Variants in TSGA10 observed in about 807,000 individuals in gnomAD.
The protein encoded by TSGA10 is testis specific 10, also known as testis-specific gene 10 protein.
A neutral mutation model predicts 96.6 loss-of-function variants in TSGA10; 43 were observed. The ratio of observed to expected loss-of-function variants is 0.44; its 90% CI spans 0.35 to 0.57. The LOEUF is 0.57. Among genes scored for constraint, TSGA10 ranks in the 20% least tolerant of loss-of-function variants. The pLI is 0.01. For missense variants in TSGA10, 703 were observed against 834.4 expected (o/e 0.84, Z 1.94); for synonymous variants, 229 against 269.9 (o/e 0.85, Z 1.48).
intron 10 of TSGA10, among the ~76,000 whole-genome samples, chr2:99,096,064 A>C (rs2089998859): frequency 6.6e-6 from 1 of 152,190 alleles, no homozygotes; most frequent in African/African-American, 2.4e-5. Flanking sequence ...GAGAAAAATA[A>C]TTTTTCCATA....
intron 20 of TSGA10, among the ~76,000 whole-genome samples, chr2:99,012,583 G>A (rs1014667895): frequency 3.9e-5 from 6 of 152,076 alleles, no homozygotes; most frequent in African/African-American, 1.4e-4. Context: ...AAAAGAAAAA[G>A]AGGGACATTA....
chr2:99,147,333 C>G, intron 1 of TSGA10: 1 of 863,232 alleles, frequency 1.2e-6, no homozygotes, highest in East Asian at 2.5e-5. Context: ...GTAAAGAAAG[C>G]CACTTTGTTC....
intron 13 of TSGA10, among the ~76,000 whole-genome samples, chr2:99,072,801 C>T (rs1204452299): frequency 2.6e-5 from 4 of 152,168 alleles, no homozygotes; most frequent in African/African-American, 9.7e-5. Flanking sequence ...TGGTTCTTTG[C>T]TATTCTTTCT....
At chr2:99,132,025 A>G (rs1012352598) in intron 1 of TSGA10, among the ~76,000 whole-genome samples, 1 of 152,104 alleles carries the variant, frequency 6.6e-6, no homozygotes, top group Non-Finnish European at 1.5e-5. Flanking sequence ...TTGGTTTGCC[A>G]GTATTTTATT....
chr2:99,018,336 G>C lies in TSGA10; in HGVS notation c.1936C>G (p.Gln646Glu). ...GAATAATTTTGGCGGCGAAGTTCTT[G>C]TACGGCCCTCTCCCTAAAGCAAAAT... is the stretch of plus-strand genomic sequence containing the variant. The part of the protein sequence containing the change: ...TERFERERAV[Q>E]ELRRQNYSSN... The change falls in exon 20 of 21, where the codon CAA becomes GAA. Residue 646 changes from glutamine (Q) to glutamate (E), a missense_variant. Physicochemically the swap from Gln to Glu is conservative, Grantham distance 29. Coordinates refer to ENST00000393483, the MANE Select transcript of TSGA10 (RefSeq NM_025244.4). The C allele has an allele frequency of 1.2e-6, 2 of 1,614,080 alleles. No individual in the cohort carries two copies. Among genetic ancestry groups the C allele is most frequent in the Non-Finnish European group, 1.7e-6 (2 of 1,180,004 alleles).
At chr2:99,130,598 CT>C (rs1230032487) in intron 1 of TSGA10, among the ~76,000 whole-genome samples, 1 of 152,064 alleles carries the variant, frequency 6.6e-6, no homozygotes, top group Non-Finnish European at 1.5e-5. Flanking sequence ...ATGATAGTTT[CT>C]TTTGCTGTAC....
At chr2:99,097,155 T>C (rs968533300) in intron 10 of TSGA10, among the ~76,000 whole-genome samples, 2 of 152,200 alleles carry the variant, frequency 1.3e-5, no homozygotes, top group African/African-American at 2.4e-5. Flanking sequence ...TACACAGTTA[T>C]ATACAATTGT....
At chr2:99,119,440 G>A (rs1448937046) in intron 2 of TSGA10, among the ~76,000 whole-genome samples, 2 of 152,072 alleles carry the variant, frequency 1.3e-5, no homozygotes, top group Non-Finnish European at 2.9e-5. Context: ...ACTCGACTTA[G>A]CTGTCCAACC....
At chr2:99,036,456 G>C (rs369076267) in intron 16 of TSGA10, among the ~76,000 whole-genome samples, 1 of 151,980 alleles carries the variant, frequency 6.6e-6, no homozygotes, top group Non-Finnish European at 1.5e-5. Context: ...CAGACTACTA[G>C]AGAAGTCATA....
rs1289702560 is a variant in TSGA10 at position 99,153,474 on chromosome 2, AG to A, written c.-621+1218del. Among the ~76,000 whole-genome samples, 31 of 152,306 alleles carry A rather than the reference AG, an allele frequency of 2.0e-4. 1 individual carries two copies. The highest frequency in any genetic ancestry group is 7.5e-4 in the African/African-American group (31 of 41,568). On this transcript the variant is annotated intron_variant, in intron 1 of 20. Transcript: ENST00000393483. ...AAGGTTCCAGTGGAGAAGCTGAAGA[AG>A]TAGGTAAAGGTAAGAATAACCAAGG...
chr2:99,039,607 CA>C (rs57401175), intron 16 of TSGA10, among the ~76,000 whole-genome samples: 65,857 of 151,136 alleles, frequency 0.44, 16,965 homozygotes, highest in African/African-American at 0.72. Flanking sequence ...TGGTAAAAAA[CA>C]AAAAAAACAA....
chr2:99,042,464 G>A (rs1366205405), intron 16 of TSGA10, among the ~76,000 whole-genome samples: 1 of 152,152 alleles, frequency 6.6e-6, no homozygotes, highest in Non-Finnish European at 1.5e-5. Flanking sequence ...GCTCTGACCA[G>A]ACGAGATTTC....
At chr2:99,095,653 A>G (rs1163433483) in intron 10 of TSGA10, among the ~76,000 whole-genome samples, 1 of 152,110 alleles carries the variant, frequency 6.6e-6, no homozygotes, top group Admixed American at 6.6e-5. Flanking sequence ...ACAGAAATAC[A>G]AAAGATCAGA....
rs921425508 is a variant in TSGA10 at position 99,127,129 on chromosome 2, T to C, written c.-573A>G. 4 of 1,289,404 alleles carry C rather than the reference T, an allele frequency of 3.1e-6. No homozygotes were observed. In the African/African-American group the frequency reaches 6.1e-5, roughly 20 times the overall value. 79.9% of individuals were successfully genotyped at this position (1,289,404 alleles called of 1,614,324 possible). ...GGAGAGTATTCTGGTAGTTTTCAGC[T>C]TCAGAAACTGGAGCCCCTAGACCAA... On this transcript the variant is annotated 5_prime_UTR_variant, in exon 2 of 21. Transcript: ENST00000393483.
intron 16 of TSGA10, among the ~76,000 whole-genome samples, chr2:99,045,030 A>C (rs1209115011): frequency 2.0e-5 from 3 of 152,160 alleles, no homozygotes; most frequent in Non-Finnish European, 4.4e-5. Context: ...CATTTAAAGC[A>C]GTGGGTAGAG....
chr2:99,106,172 G>A (rs949670344), intron 7 of TSGA10, among the ~76,000 whole-genome samples: 15 of 152,108 alleles, frequency 9.9e-5, no homozygotes, highest in African/African-American at 1.2e-4. Context: ...GTCTCTGCAC[G>A]TCTGTTCAAC....
Position 99,127,002 on chromosome 2 carries a change from C to T in TSGA10, c.-492+46G>A, listed in dbSNP as rs2104994644. ...CTATCTTCTTGTTTCAAAATAGGCT[C>T]CCACCCCAAATTAAGTCAGGAAAAT... is the stretch of plus-strand genomic sequence containing the variant. On this transcript the variant is annotated intron_variant, in intron 2 of 20. Coordinates refer to ENST00000393483, the MANE Select transcript of TSGA10 (RefSeq NM_025244.4). The T allele has an allele frequency of 3.1e-6, 4 of 1,278,272 alleles. No homozygotes were observed. In the African/African-American group the frequency reaches 4.6e-5, roughly 15 times the overall value. The allele number at this position is 1,278,272 out of a possible 1,614,324, so 79.2% of individuals were successfully genotyped here.
intron 7 of TSGA10, 90 bp from the exon 8 acceptor site, chr2:99,105,787 C>T (rs1326937873): frequency 2.0e-6 from 2 of 1,012,836 alleles, no homozygotes; most frequent in African/African-American, 1.6e-5. Flanking sequence ...AAAATGCAAA[C>T]CTACATCAAC....
chr2:99,020,609 T>C, intron 17 of TSGA10, 127 bp from the exon 18 acceptor site: 1 of 641,752 alleles, frequency 1.6e-6, no homozygotes, highest in Middle Eastern at 4.1e-4. Flanking sequence ...TGATTTGAAA[T>C]TGTGTCCCTC....
Sources: allele counts gnomAD v4.1 joint callset (sites outside exome capture counted in the v4.1 genomes callset), GRCh38; gene constraint gnomAD v4.1.1; transcripts MANE v1.5; gene names NCBI Gene and HGNC (gene_info 2026-07-23, HGNC 2026-07-21).